The following XKR6 variants were observed in gnomAD, a reference collection of about 807,000 sequenced individuals.
XKR6 encodes XK related 6.
In XKR6, 22 loss-of-function variants were observed where a neutral mutation model predicts 56.7. That is an observed-to-expected ratio of 0.39 (90% confidence interval 0.28 to 0.55). XKR6 has a LOEUF of 0.55. Among genes scored for constraint, XKR6 ranks in the 20% least tolerant of loss-of-function variants. The probability of loss-of-function intolerance (pLI) is 0.66; values close to 1 mark genes in which losing one functional copy is unlikely to be tolerated. For missense variants in XKR6, 852 were observed against 889.0 expected, an observed-to-expected ratio of 0.96 and a Z score of 0.53; for synonymous variants, 524 against 387.8, an observed-to-expected ratio of 1.35 and a Z score of -4.13.
At chr8:11,101,142 A>G (rs1284773010) in intron 1 of XKR6, among the ~76,000 whole-genome samples, 2 of 152,244 alleles carry the variant, frequency 1.3e-5, no homozygotes, top group Admixed American at 1.3e-4. Context: ...CCTCAGCTAC[A>G]GACATCCCAA....
Position 11,198,945 on chromosome 8 carries a change from C to G in XKR6, c.764+1631G>C, listed in dbSNP as rs114363405. Among the ~76,000 whole-genome samples the G allele has an allele frequency of 4.0e-3, 603 of 152,038 alleles. 3 individuals are homozygous for G. Among genetic ancestry groups the G allele is most frequent in the African/African-American group, 0.014 (567 of 41,472 alleles). ...AAAAAAAAAAAGGTATCTCCAATAC[C>G]AAACACACTACCTTTCATTCGATAT... is the stretch of plus-strand genomic sequence containing the variant. On this transcript the variant is annotated intron_variant, in intron 1 of 2. Transcript: ENST00000416569.
At chr8:10,946,453 C>G (rs1801541651) in intron 1 of XKR6, among the ~76,000 whole-genome samples, 1 of 151,998 alleles carries the variant, frequency 6.6e-6, no homozygotes, top group African/African-American at 2.4e-5. Flanking sequence ...CTCTAGTGTC[C>G]TTTTTCGGCC....
intron 1 of XKR6, among the ~76,000 whole-genome samples, chr8:10,996,954 G>A (rs540321864): frequency 2.0e-5 from 3 of 152,108 alleles, no homozygotes; most frequent in African/African-American, 7.2e-5. Flanking sequence ...GGGCAATAGA[G>A]AGAGACCCTG....
At chr8:11,048,856 T>A (rs972093183) in intron 1 of XKR6, among the ~76,000 whole-genome samples, 2 of 152,202 alleles carry the variant, frequency 1.3e-5, no homozygotes, top group Non-Finnish European at 2.9e-5. Context: ...CTCCCCCTCC[T>A]TACCCCTGCC....
At chr8:10,951,387 G>T (rs1263239212) in intron 1 of XKR6, among the ~76,000 whole-genome samples, 1 of 152,100 alleles carries the variant, frequency 6.6e-6, no homozygotes, top group Non-Finnish European at 1.5e-5. Flanking sequence ...CAGCCAGGCT[G>T]CAGCTCAGAG....
intron 1 of XKR6, among the ~76,000 whole-genome samples, chr8:11,157,669 C>T (rs1801587705): frequency 6.6e-6 from 1 of 152,066 alleles, no homozygotes; most frequent in Admixed American, 6.5e-5. Flanking sequence ...GTGCATGCCA[C>T]CATACATAGC....
intron 1 of XKR6, among the ~76,000 whole-genome samples, chr8:11,071,711 G>A (rs1200808867): frequency 6.6e-6 from 1 of 152,028 alleles, no homozygotes; most frequent in Non-Finnish European, 1.5e-5. Context: ...GAGTCTATGA[G>A]CCCCAAGTCT....
At chr8:11,128,602 C>T (rs1354735615) in intron 1 of XKR6, among the ~76,000 whole-genome samples, 6 of 152,156 alleles carry the variant, frequency 3.9e-5, no homozygotes, top group Non-Finnish European at 8.8e-5. Flanking sequence ...TATCCAAGTA[C>T]CACCTAGAGT....
intron 1 of XKR6, among the ~76,000 whole-genome samples, chr8:11,190,404 G>C (rs869101464): frequency 1.3e-5 from 2 of 152,202 alleles, no homozygotes; most frequent in Non-Finnish European, 2.9e-5. Flanking sequence ...CATGGGACCT[G>C]TGGGGTATGC....
intron 1 of XKR6, among the ~76,000 whole-genome samples, chr8:11,065,840 GT>G (rs1799962911): frequency 6.6e-6 from 1 of 152,174 alleles, no homozygotes; most frequent in African/African-American, 2.4e-5. Flanking sequence ...AGGCAGTGGC[GT>G]TTTTCCCTAG....
chr8:11,015,334 G>A (rs1356059898), intron 1 of XKR6, among the ~76,000 whole-genome samples: 2 of 152,154 alleles, frequency 1.3e-5, no homozygotes, highest in Non-Finnish European at 2.9e-5. Flanking sequence ...TCTGGAAAGA[G>A]GGATTAATTT....
intron 1 of XKR6, among the ~76,000 whole-genome samples, chr8:10,941,681 G>A (rs1801390419): frequency 6.6e-6 from 1 of 152,240 alleles, no homozygotes; most frequent in Non-Finnish European, 1.5e-5. Flanking sequence ...TGACCTCAGA[G>A]CCTACAGTCT....
At chr8:11,029,244 T>C (rs1188953056) in intron 1 of XKR6, among the ~76,000 whole-genome samples, 1 of 152,158 alleles carries the variant, frequency 6.6e-6, no homozygotes, top group Non-Finnish European at 1.5e-5. Context: ...CAACCTGGTC[T>C]TGTGCAAAGA....
intron 1 of XKR6, among the ~76,000 whole-genome samples, chr8:11,171,206 G>C (rs534811911): frequency 2.6e-5 from 4 of 152,340 alleles, no homozygotes; most frequent in South Asian, 4.1e-4. Flanking sequence ...CTGTATATGA[G>C]GCACTCTGTA....
chr8:11,061,335 G>A (rs1371784768), intron 1 of XKR6, among the ~76,000 whole-genome samples: 1 of 152,126 alleles, frequency 6.6e-6, no homozygotes, highest in East Asian at 1.9e-4. Flanking sequence ...GCGTGATGGT[G>A]TGCACCTGTA....
intron 1 of XKR6, among the ~76,000 whole-genome samples, chr8:11,154,796 G>C (rs1026045507): frequency 2.0e-5 from 3 of 152,142 alleles, no homozygotes; most frequent in Non-Finnish European, 4.4e-5. Flanking sequence ...ACTCTTTTAA[G>C]AGAAAACAAA....
chr8:11,114,283 G>A (rs1029282804), intron 1 of XKR6, among the ~76,000 whole-genome samples: 4 of 152,114 alleles, frequency 2.6e-5, no homozygotes, highest in African/African-American at 7.2e-5. Context: ...GCTGGGTATC[G>A]TAACAACTGA....
intron 1 of XKR6, chr8:11,108,312 G>A (rs549182835): frequency 1.1e-4 from 52 of 456,226 alleles, no homozygotes; most frequent in African/African-American, 9.8e-4. Context: ...AGATTTAAGT[G>A]TTATGAAACA....
intron 1 of XKR6, among the ~76,000 whole-genome samples, chr8:10,988,414 T>C (rs1478188220): frequency 2.0e-5 from 3 of 152,228 alleles, no homozygotes; most frequent in Non-Finnish European, 4.4e-5. Flanking sequence ...TTGCAACCTT[T>C]TGTTTTTTGT....
Sources: allele counts gnomAD v4.1 joint callset (sites outside exome capture counted in the v4.1 genomes callset), GRCh38; gene constraint gnomAD v4.1.1; transcripts MANE v1.5; gene names NCBI Gene and HGNC (gene_info 2026-07-23, HGNC 2026-07-21).